NXPE2: variants seen among roughly 807,000 people sequenced by gnomAD.
The protein encoded by NXPE2 is NXPE family member 2.
NXPE2 carries 34 observed loss-of-function variants against 34.4 expected under a neutral mutation model. The observed-to-expected ratio is 0.99, with a 90% CI of 0.75 to 1.31. NXPE2 has a LOEUF of 1.31. Among genes scored for constraint, NXPE2 ranks in the 40% most tolerant of loss-of-function variants. The pLI is 0.00. For missense variants in NXPE2, 649 were observed against 672.5 expected, an observed-to-expected ratio of 0.97 and a Z score of 0.39; for synonymous variants, 235 against 231.3, an observed-to-expected ratio of 1.02 and a Z score of -0.15.
At chr11:114,473,042 A>C in the NXPE2 span, among the ~76,000 whole-genome samples, 1 of 152,200 alleles carries the variant, frequency 6.6e-6, no homozygotes, top group Admixed American at 6.5e-5. Flanking sequence ...ATAACTGAAT[A>C]ATAACAGACA....
chr11:114,480,203 A>G, the NXPE2 span, among the ~76,000 whole-genome samples: 14 of 148,896 alleles, frequency 9.4e-5, no homozygotes, highest in Admixed American at 8.1e-4. Context: ...GGAGAAGGAA[A>G]GAAGACCCAG....
chr11:114,790,536 A>C, the NXPE2 span, among the ~76,000 whole-genome samples: 1 of 152,068 alleles, frequency 6.6e-6, no homozygotes, highest in East Asian at 1.9e-4. Flanking sequence ...TCAGCACAAA[A>C]CCCAGATTTT....
At chr11:114,734,696 AG>A in the NXPE2 span, among the ~76,000 whole-genome samples, 2 of 152,182 alleles carry the variant, frequency 1.3e-5, no homozygotes, top group African/African-American at 2.4e-5. Flanking sequence ...GTGAATTAGC[AG>A]GTTTGGTAAT....
At chr11:114,557,860 G>A in the NXPE2 span, among the ~76,000 whole-genome samples, 1 of 151,756 alleles carries the variant, frequency 6.6e-6, no homozygotes, top group East Asian at 1.9e-4. Flanking sequence ...CTTTCATTTT[G>A]AGGGTTTCTT....
the NXPE2 span, among the ~76,000 whole-genome samples, chr11:114,521,275 G>A: frequency 1.3e-5 from 2 of 152,106 alleles, no homozygotes; most frequent in Non-Finnish European, 2.9e-5. Flanking sequence ...TTTTATTCTT[G>A]CATGTCTCTT....
At chr11:114,797,826 T>C in the NXPE2 span, among the ~76,000 whole-genome samples, 1 of 152,214 alleles carries the variant, frequency 6.6e-6, no homozygotes, top group South Asian at 2.1e-4. Context: ...ATTTTCATAC[T>C]AAAACAATCT....
the NXPE2 span, among the ~76,000 whole-genome samples, chr11:114,495,614 G>T: frequency 6.6e-6 from 1 of 151,878 alleles, no homozygotes. Flanking sequence ...CTGAGAATGT[G>T]CTGGGTCACA....
At chr11:114,541,856 C>G in the NXPE2 span, among the ~76,000 whole-genome samples, 1 of 152,168 alleles carries the variant, frequency 6.6e-6, no homozygotes, top group South Asian at 2.1e-4. Flanking sequence ...AAATATATCT[C>G]TTAATTCACT....
the NXPE2 span, among the ~76,000 whole-genome samples, chr11:114,790,651 C>G: frequency 1.4e-4 from 21 of 152,180 alleles, no homozygotes; most frequent in African/African-American, 4.8e-4. Context: ...GGAGTCCTCC[C>G]TGCTCCTCAA....
At chr11:114,469,109 C>CTTTTTTTTTTTTTT in the NXPE2 span, among the ~76,000 whole-genome samples, 9 of 88,876 alleles carry the variant, frequency 1.0e-4, no homozygotes, top group Admixed American at 1.5e-4. Flanking sequence ...ACAGTGCTAG[C>CTTTTTTTTTTTTTT]TTTTTTTTTT....
At chr11:114,593,518 A>G in the NXPE2 span, among the ~76,000 whole-genome samples, 1 of 152,142 alleles carries the variant, frequency 6.6e-6, no homozygotes, top group Non-Finnish European at 1.5e-5. Flanking sequence ...CAAAAGACAG[A>G]TAGTAACATA....
the NXPE2 span, among the ~76,000 whole-genome samples, chr11:114,745,889 T>C: frequency 6.6e-6 from 1 of 151,998 alleles, no homozygotes; most frequent in Non-Finnish European, 1.5e-5. Flanking sequence ...TAGCTGACCC[T>C]GCTAAACATG....
rs1444191502 is a variant in NXPE2, at chr11:114,683,061, G to A, written c.132+3299G>A. On this transcript the variant is annotated intron_variant, in intron 2 of 5. Transcript: ENST00000389586. Reference sequence around the variant, plus strand: ...GTTCTAACCAATTCTATTATTCAGCGTATAAGTGGTTTTTTAAATATAAAA... The same window carrying A: ...GTTCTAACCAATTCTATTATTCAGCATATAAGTGGTTTTTTAAATATAAAA... Among the ~76,000 whole-genome samples, 17 of 152,114 alleles carry A rather than the reference G, an allele frequency of 1.1e-4. No individual in the cohort carries two copies. The South Asian group carries it at 2.5e-3, about 22-fold the overall frequency.
the NXPE2 span, among the ~76,000 whole-genome samples, chr11:114,773,673 A>G: frequency 9.1e-6 from 1 of 109,882 alleles, no homozygotes; most frequent in East Asian, 2.9e-4. Context: ...GGGATTGTTT[A>G]CAGATAAGAT....
the NXPE2 span, among the ~76,000 whole-genome samples, chr11:114,554,601 C>CTTTGTA: frequency 6.6e-6 from 1 of 152,044 alleles, no homozygotes; most frequent in Non-Finnish European, 1.5e-5. Flanking sequence ...TGCTAAATAA[C>CTTTGTA]AAAATTTAGC....
the NXPE2 span, among the ~76,000 whole-genome samples, chr11:114,474,940 G>A: frequency 1.3e-5 from 2 of 152,230 alleles, no homozygotes; most frequent in East Asian, 1.9e-4. Flanking sequence ...TTGTCAAAAC[G>A]TTCAAAACTC....
At chr11:114,637,435 T>A in the NXPE2 span, among the ~76,000 whole-genome samples, 2 of 152,046 alleles carry the variant, frequency 1.3e-5, no homozygotes, top group African/African-American at 4.8e-5. Flanking sequence ...AGTCTGTGTC[T>A]TTTAATTGGA....
the NXPE2 span, among the ~76,000 whole-genome samples, chr11:114,799,418 A>C: frequency 6.6e-6 from 1 of 152,200 alleles, no homozygotes; most frequent in African/African-American, 2.4e-5. Flanking sequence ...GTTTCATCAA[A>C]TATATCAGAG....
At chr11:114,664,587 G>A in the NXPE2 span, among the ~76,000 whole-genome samples, 1 of 152,138 alleles carries the variant, frequency 6.6e-6, no homozygotes, top group Non-Finnish European at 1.5e-5. Flanking sequence ...GGAGCTCCTT[G>A]AAAGTACAGA....
Sources: gnomAD v4.1 joint callset for allele counts (sites outside exome capture counted in the v4.1 genomes callset) on GRCh38, gnomAD v4.1.1 for gene constraint, MANE v1.5 for transcripts, NCBI Gene and HGNC (gene_info 2026-07-23, HGNC 2026-07-21) for gene names.